The following CNTLN variants were observed in gnomAD, a reference collection of about 807,000 sequenced individuals.
CNTLN encodes the protein centlein, centrosomal protein.
Under a neutral mutation model 180.0 loss-of-function variants are expected in CNTLN, and 212 were observed. The ratio of observed to expected loss-of-function variants is 1.18; its 90% CI spans 1.05 to 1.32. The LOEUF (loss-of-function observed/expected upper bound fraction) is 1.32. Among genes scored for constraint, CNTLN ranks in the 40% most tolerant of loss-of-function variants. CNTLN has a pLI of 0.00. For missense variants in CNTLN, 2,095 were observed against 1,610.9 expected, an observed-to-expected ratio of 1.30 and a Z score of -5.14; for synonymous variants, 722 against 563.1, an observed-to-expected ratio of 1.28 and a Z score of -3.99.
At chr9:17,460,910 G>A (rs1831408856) in intron 19 of CNTLN, among the ~76,000 whole-genome samples, 1 of 151,632 alleles carries the variant, frequency 6.6e-6, no homozygotes, top group Admixed American at 6.6e-5. Context: ...CTAGAAGTAT[G>A]CGTATTAAGG....
chr9:17,336,116 C>T (rs954196057), intron 10 of CNTLN, among the ~76,000 whole-genome samples: 4 of 152,058 alleles, frequency 2.6e-5, no homozygotes, highest in African/African-American at 9.7e-5. Context: ...ATACATTTTT[C>T]AGGTCATACA....
chr9:17,151,163 G>C (rs1266676058), intron 2 of CNTLN, among the ~76,000 whole-genome samples: 5 of 152,092 alleles, frequency 3.3e-5, no homozygotes, highest in Non-Finnish European at 7.3e-5. Context: ...GATTGCCCTG[G>C]CCAGAACTTC....
chr9:17,163,651 A>G (rs983457471), intron 2 of CNTLN, among the ~76,000 whole-genome samples: 2 of 152,224 alleles, frequency 1.3e-5, no homozygotes, highest in Non-Finnish European at 2.9e-5. Flanking sequence ...TAACTGAACA[A>G]GCAAATGCAT....
chr9:17,281,844 A>G (rs1828683401), intron 6 of CNTLN, among the ~76,000 whole-genome samples: 1 of 152,172 alleles, frequency 6.6e-6, no homozygotes, highest in African/African-American at 2.4e-5. Context: ...TTCTGGTTCT[A>G]GGTCTTTGAG....
At chr9:17,298,082 T>A (rs980970640) in intron 6 of CNTLN, 108 bp from the exon 7 acceptor site, 1 of 882,184 alleles carries the variant, frequency 1.1e-6, no homozygotes, top group Non-Finnish European at 1.6e-6. Flanking sequence ...GCAGTACAAA[T>A]AACAGATGCA....
the CNTLN span, among the ~76,000 whole-genome samples, chr9:17,521,375 C>A: frequency 6.6e-6 from 1 of 151,638 alleles, no homozygotes; most frequent in Non-Finnish European, 1.5e-5. Flanking sequence ...GAAAAGAGAA[C>A]ACTCCTGTGA....
At chr9:17,199,358 T>C (rs1023116158) in intron 2 of CNTLN, among the ~76,000 whole-genome samples, 3 of 152,046 alleles carry the variant, frequency 2.0e-5, no homozygotes, top group African/African-American at 4.8e-5. Context: ...ACTACAGGCA[T>C]GTGCCACCAC....
the CNTLN span, among the ~76,000 whole-genome samples, chr9:17,526,817 C>G: frequency 3.3e-5 from 5 of 151,876 alleles, no homozygotes; most frequent in African/African-American, 1.2e-4. Context: ...AACAAAAATG[C>G]TTACAATTTT....
chr9:17,465,913 T>C, intron 21 of CNTLN, 68 bp from the exon 22 acceptor site: 1 of 1,259,676 alleles, frequency 7.9e-7, no homozygotes, highest in Non-Finnish European at 1.1e-6. Flanking sequence ...TAGTTTCTGT[T>C]GGAACAAACA....
At chr9:17,285,166 C>T (rs1254836634) in intron 6 of CNTLN, among the ~76,000 whole-genome samples, 3 of 124,026 alleles carry the variant, frequency 2.4e-5, no homozygotes, top group African/African-American at 9.0e-5. Context: ...CCCCCCACCC[C>T]ACCACAGTCC....
At chr9:17,246,468 C>G (rs1336390511) in intron 5 of CNTLN, among the ~76,000 whole-genome samples, 3 of 152,156 alleles carry the variant, frequency 2.0e-5, no homozygotes, top group Admixed American at 6.5e-5. Flanking sequence ...CTGTGACCAC[C>G]AACATTGGAA....
At chr9:17,206,795 A>G (rs1259293491) in intron 2 of CNTLN, among the ~76,000 whole-genome samples, 2 of 152,204 alleles carry the variant, frequency 1.3e-5, no homozygotes, top group African/African-American at 4.8e-5. Context: ...TTTCGGAGAA[A>G]TCTCTGTTTC....
chr9:17,371,354 CAAAAACTGTAAGAGACA>C (rs1478339705), intron 13 of CNTLN, among the ~76,000 whole-genome samples: 1 of 151,966 alleles, frequency 6.6e-6, no homozygotes, highest in Non-Finnish European at 1.5e-5. Flanking sequence ...AGATTTCAAG[CAAAAACTGTAAGAGACA>C]AAGGTCATTA....
chr9:17,287,958 G>T (rs1189582047), intron 6 of CNTLN, among the ~76,000 whole-genome samples: 1 of 143,936 alleles, frequency 6.9e-6, no homozygotes, highest in African/African-American at 2.8e-5. Flanking sequence ...CAAAAAACCA[G>T]CTCCTGGATT....
At chr9:17,235,297 A>G (rs1052584600) in intron 3 of CNTLN, among the ~76,000 whole-genome samples, 1 of 152,196 alleles carries the variant, frequency 6.6e-6, no homozygotes. Context: ...TCTAAATGAC[A>G]TTCAAATAAA....
chr9:17,359,630 C>T (rs143273998), intron 12 of CNTLN, among the ~76,000 whole-genome samples: 5,211 of 148,710 alleles, frequency 0.035, 140 homozygotes, highest in East Asian at 0.17. Context: ...GCCTGTAATC[C>T]CAGCACTTTG....
chr9:17,522,594 G>A, the CNTLN span, among the ~76,000 whole-genome samples: 1 of 151,950 alleles, frequency 6.6e-6, no homozygotes, highest in African/African-American at 2.4e-5. Flanking sequence ...GTACAGCCTT[G>A]CCAATCCCTA....
chr9:17,135,059 C>T lies in CNTLN; in HGVS notation c.-7C>T, dbSNP rs1320255540. The T allele has an allele frequency of 3.1e-6, 5 of 1,593,306 alleles. No homozygotes were observed. Among genetic ancestry groups the T allele is most frequent in the Non-Finnish European group, 8.5e-7 (1 of 1,175,010 alleles). The stretch of plus-strand genomic sequence containing the variant: ...ACAGGGAACTTGACCCGTTAGCAGC[C>T]GCAGCCATGGCGGCGCGTTCGCCTC... On this transcript the variant is annotated 5_prime_UTR_variant, in exon 1 of 26. Coordinates refer to ENST00000380647, the MANE Select transcript of CNTLN (RefSeq NM_017738.4).
Position 17,394,586 on chromosome 9 carries a change from T to G in CNTLN, c.2132T>G (p.Leu711Ter). 1 of 1,593,350 alleles carries G rather than the reference T, an allele frequency of 6.3e-7. No individual in the cohort carries two copies. Among genetic ancestry groups the G allele is most frequent in the Non-Finnish European group, 8.5e-7 (1 of 1,174,560 alleles). The change falls in exon 15 of 26, where the codon TTA becomes TGA. Residue 711 changes from leucine (L) to a stop codon, truncating the protein, a stop_gained. Transcript: ENST00000380647. LOFTEE classifies it high-confidence loss of function. ...LKSFEKRSRK[L>*]KEGNKKLMKE... ...TCTTTTGAGAAAAGGTCGAGAAAAT[T>G]AAAAGAAGGGAATAAAAAATTAATG...
Sources: gnomAD v4.1 joint callset for allele counts (sites outside exome capture counted in the v4.1 genomes callset) on GRCh38, gnomAD v4.1.1 for gene constraint, MANE v1.5 for transcripts, NCBI Gene and HGNC (gene_info 2026-07-23, HGNC 2026-07-21) for gene names.